Variants in PDZD8 observed in about 807,000 individuals in gnomAD.
PDZD8 encodes the protein PDZ domain containing 8, also known as PDZ domain-containing protein 8.
A neutral mutation model predicts 85.8 loss-of-function variants in PDZD8; 14 were observed. That is an observed-to-expected ratio of 0.16 (90% CI 0.11 to 0.26). The LOEUF is 0.26. Ranked by LOEUF, PDZD8 falls within the 10% of genes least tolerant of loss-of-function variation. The probability of loss-of-function intolerance (pLI) is 1.00; values close to 1 mark genes in which losing one functional copy is unlikely to be tolerated. For missense variants in PDZD8, 1,197 were observed against 1,424.3 expected, an observed-to-expected ratio of 0.84 and a Z score of 2.57; for synonymous variants, 592 against 568.6, an observed-to-expected ratio of 1.04 and a Z score of -0.59.
chr10:117,311,689 A>C lies in PDZD8; in HGVS notation c.1098+7183T>G, dbSNP rs1032754958. On this transcript the variant is annotated intron_variant, in intron 3 of 4. Coordinates refer to ENST00000334464, the MANE Select transcript of PDZD8 (RefSeq NM_173791.5). ...ATAGGCTCTAAGAAAACAGAAAACT[A>C]AGTATTTAATATGGAAGCCCTTTAA... is the stretch of plus-strand genomic sequence containing the variant. Among the ~76,000 whole-genome samples the C allele has an allele frequency of 2.2e-4, 33 of 152,064 alleles. 1 individual carries two copies. Among genetic ancestry groups the C allele is most frequent in the African/African-American group, 8.0e-4 (33 of 41,422 alleles).
At chr10:117,342,393 T>TACACACACACACACACACACAC (rs59113065) in intron 1 of PDZD8, among the ~76,000 whole-genome samples, 28 of 145,680 alleles carry the variant, frequency 1.9e-4, no homozygotes, top group Non-Finnish European at 3.2e-4. Context: ...CACAAACAGA[T>TACACACACACACACACACACAC]ACACACACAC....
chr10:117,284,233 T>C lies in PDZD8; in HGVS notation c.2500A>G (p.Met834Val). Reference sequence around the variant, plus strand: ...CTGTGTTTGTTTTCTGTTAAACCCATCTGTCCAACAAATTGCTCCTCTTTA... The same window carrying C: ...CTGTGTTTGTTTTCTGTTAAACCCACCTGTCCAACAAATTGCTCCTCTTTA... ...LPKEEQFVGQ[M>V]GLTENKHSFQ... is the part of the protein sequence containing the mutation. Residue 834 changes from methionine (M) to valine (V), a missense_variant, in exon 5 of 5, where the codon ATG becomes GTG. Met to Val is a conservative substitution (Grantham distance 21, BLOSUM62 1). Transcript: ENST00000334464. 1 of 1,614,208 alleles carries C rather than the reference T, an allele frequency of 6.2e-7. No homozygotes were observed.
chr10:117,327,217 T>G (rs1043274701), intron 2 of PDZD8, among the ~76,000 whole-genome samples: 1 of 152,166 alleles, frequency 6.6e-6, no homozygotes, highest in South Asian at 2.1e-4. Flanking sequence ...GTAGCACTAA[T>G]GCCCTAAGTT....
intron 1 of PDZD8, among the ~76,000 whole-genome samples, chr10:117,370,671 T>C (rs1845173281): frequency 6.6e-6 from 1 of 152,050 alleles, no homozygotes; most frequent in South Asian, 2.1e-4. Context: ...GTGAAACCTG[T>C]CTCTTCTATT....
At chr10:117,305,729 A>G (rs943907794) in intron 3 of PDZD8, among the ~76,000 whole-genome samples, 5 of 152,202 alleles carry the variant, frequency 3.3e-5, no homozygotes, top group African/African-American at 9.6e-5. Context: ...CTCAACTTGT[A>G]TAACGCCTAA....
intron 3 of PDZD8, among the ~76,000 whole-genome samples, chr10:117,292,367 C>T (rs1170571477): frequency 1.3e-5 from 2 of 152,114 alleles, no homozygotes; most frequent in Non-Finnish European, 2.9e-5. Flanking sequence ...GTGCTGTACA[C>T]AATTAAGGCT....
At chr10:117,316,774 C>G (rs557364896) in intron 3 of PDZD8, among the ~76,000 whole-genome samples, 5 of 152,302 alleles carry the variant, frequency 3.3e-5, no homozygotes, top group Non-Finnish European at 7.4e-5. Flanking sequence ...AACTCCGTTT[C>G]TCCCTTGCCT....
chr10:117,319,001 A>C (rs937068251), intron 2 of PDZD8, 27 bp from the exon 3 acceptor site: 1 of 1,442,214 alleles, frequency 6.9e-7, no homozygotes, highest in African/African-American at 1.4e-5. Context: ...AACAAGGGAG[A>C]GTATCATACC....
chr10:117,370,454 T>C (rs1446663081), intron 1 of PDZD8, among the ~76,000 whole-genome samples: 1 of 152,234 alleles, frequency 6.6e-6, no homozygotes, highest in African/African-American at 2.4e-5. Flanking sequence ...GCAAGATATT[T>C]GTTATGTAAT....
At chr10:117,288,691 T>G (rs999261933) in intron 4 of PDZD8, among the ~76,000 whole-genome samples, 3 of 152,028 alleles carry the variant, frequency 2.0e-5, no homozygotes, top group Non-Finnish European at 4.4e-5. Flanking sequence ...ATATTTTCAG[T>G]AGAGATGGGT....
At chr10:117,319,325 T>A (rs992619669) in intron 2 of PDZD8, among the ~76,000 whole-genome samples, 1 of 151,586 alleles carries the variant, frequency 6.6e-6, no homozygotes, top group Non-Finnish European at 1.5e-5. Context: ...AGATGCAGAA[T>A]AATGCTAGTA....
intron 1 of PDZD8, among the ~76,000 whole-genome samples, chr10:117,348,268 CT>C (rs143790328): frequency 0.04 from 6,124 of 152,238 alleles, 142 homozygotes; most frequent in East Asian, 0.067. Flanking sequence ...ATTATAGTCC[CT>C]TTTAATGCTT....
At chr10:117,365,822 G>A (rs1845078931) in intron 1 of PDZD8, among the ~76,000 whole-genome samples, 1 of 152,114 alleles carries the variant, frequency 6.6e-6, no homozygotes, top group Admixed American at 6.5e-5. Flanking sequence ...GTGTCAGTAC[G>A]TCCTATGACT....
chr10:117,294,346 CA>C (rs1805208777), intron 3 of PDZD8, among the ~76,000 whole-genome samples: 2 of 125,350 alleles, frequency 1.6e-5, no homozygotes, highest in African/African-American at 6.2e-5. Context: ...AAAAAAAAAA[CA>C]AAAAAACAAA....
intron 3 of PDZD8, among the ~76,000 whole-genome samples, chr10:117,302,292 G>GAA (rs1212059006): frequency 2.6e-5 from 4 of 152,164 alleles, no homozygotes; most frequent in African/African-American, 9.7e-5. Context: ...AAACAAAGGA[G>GAA]ATACCACATT....
Position 117,284,924 on chromosome 10 carries a change from G to A in PDZD8, c.1809C>T (p.Ser603=), listed in dbSNP as rs779220033. Reference sequence around the variant, plus strand: ...GTTCTGCCTGATTTGGAGCATCGGCGGAAGGCAAAGGAACTTTCGCTTGTG... The same window carrying A: ...GTTCTGCCTGATTTGGAGCATCGGCAGAAGGCAAAGGAACTTTCGCTTGTG... ...PRPQAKVPLP[S]ADAPNQAEPD... The change falls in exon 5 of 5, where the codon TCC becomes TCT. Residue 603 remains serine (S), a synonymous_variant. Coordinates refer to ENST00000334464, the MANE Select transcript of PDZD8 (RefSeq NM_173791.5). 50 of 1,614,010 alleles carry A rather than the reference G, an allele frequency of 3.1e-5. 1 individual carries two copies. The highest frequency in any genetic ancestry group is 6.7e-5 in the Admixed American group (4 of 59,998).
chr10:117,318,233 T>C (rs1207421906), intron 3 of PDZD8, among the ~76,000 whole-genome samples: 1 of 152,196 alleles, frequency 6.6e-6, no homozygotes. Flanking sequence ...TAGAGTCCTA[T>C]TATCACCAGA....
intron 1 of PDZD8, among the ~76,000 whole-genome samples, chr10:117,341,718 C>A (rs2794417): frequency 6.6e-6 from 1 of 152,228 alleles, no homozygotes; most frequent in Non-Finnish European, 1.5e-5. Context: ...ACATGTTCAG[C>A]GCAGATTAAA....
At chr10:117,286,668 T>G (rs1203939406) in intron 4 of PDZD8, among the ~76,000 whole-genome samples, 1 of 152,228 alleles carries the variant, frequency 6.6e-6, no homozygotes, top group Non-Finnish European at 1.5e-5. Context: ...TTAGGCAACT[T>G]CCCGGCCCAA....
Sources: allele counts gnomAD v4.1 joint callset (sites outside exome capture counted in the v4.1 genomes callset), GRCh38; gene constraint gnomAD v4.1.1; transcripts MANE v1.5; gene names NCBI Gene and HGNC (gene_info 2026-07-23, HGNC 2026-07-21).